Variants in SPATS2 observed in about 807,000 individuals in gnomAD.
SPATS2 encodes spermatogenesis-associated serine-rich protein 2.
A neutral mutation model predicts 63.7 loss-of-function variants in SPATS2; 38 were observed. That is an observed-to-expected ratio of 0.60 (90% CI 0.46 to 0.78). The LOEUF is 0.78. Ranked by LOEUF, SPATS2 falls within the 30% of genes least tolerant of loss-of-function variation. The pLI is 0.00. For synonymous variants in SPATS2, 207 were observed against 232.9 expected, an observed-to-expected ratio of 0.89 and a Z score of 1.01; for missense variants, 588 against 666.2, an observed-to-expected ratio of 0.88 and a Z score of 1.29.
intron 2 of SPATS2, among the ~76,000 whole-genome samples, chr12:49,418,108 GTTTTTTTTTTT>G (rs760281633): frequency 8.5e-4 from 65 of 76,054 alleles, no homozygotes; most frequent in African/African-American, 3.7e-3. Context: ...AAATGACTCA[GTTTTTTTTTTT>G]TTTTTTTTTT....
At chr12:49,475,526 C>T (rs1041666487) in intron 3 of SPATS2, among the ~76,000 whole-genome samples, 2 of 152,096 alleles carry the variant, frequency 1.3e-5, no homozygotes, top group Admixed American at 6.5e-5. Flanking sequence ...CTGCAAGCTC[C>T]GCCTCCCTGG....
In SPATS2 at chr12:49,489,473, G is replaced by A. The variant is rs374810178; in HGVS notation, c.114G>A (p.Ala38=). The A allele has an allele frequency of 1.7e-5, 27 of 1,612,968 alleles. No individual in the cohort carries two copies. The Admixed American group carries it at 4.0e-4, about 24-fold the overall frequency. ...CCTGTCATCTTTTCCAGATAAATGCGGTACGTGCAATAGTTCCTAATAAGA... is the reference window on the plus strand; with the variant it reads ...CCTGTCATCTTTTCCAGATAAATGCAGTACGTGCAATAGTTCCTAATAAGA... The part of the protein sequence containing the change: ...AFENMKEKIN[A]VRAIVPNKSN... The change falls in exon 5 of 14, where the codon GCG becomes GCA. Residue 38 remains alanine, a synonymous_variant. Coordinates refer to ENST00000552918, the MANE Select transcript of SPATS2 (RefSeq NM_023071.4).
intron 2 of SPATS2, among the ~76,000 whole-genome samples, chr12:49,396,273 G>A (rs993435927): frequency 1.7e-4 from 26 of 152,160 alleles, no homozygotes; most frequent in African/African-American, 5.8e-4. Context: ...GAGATTAGTG[G>A]ATCATGTCAT....
chr12:49,481,976 GA>G (rs1946214431), intron 3 of SPATS2, among the ~76,000 whole-genome samples: 1 of 151,994 alleles, frequency 6.6e-6, no homozygotes, highest in African/African-American at 2.4e-5. Context: ...TTCTTTTCAT[GA>G]AAAAATAAGT....
Position 49,400,214 on chromosome 12 carries a change from T to G in SPATS2, c.-244+28924T>G, listed in dbSNP as rs373289748. On this transcript the variant is annotated intron_variant, in intron 2 of 13. Transcript: ENST00000552918. ...ATATCTAAGTAAGATGACTAAAAAT[T>G]GACCATCAGATTTAGTAATTTGGAA... 4.7e-4 allele frequency among the ~76,000 whole-genome samples: 72 copies of G among 152,098 alleles called. No homozygotes were observed. In the South Asian group the frequency reaches 0.012, roughly 26 times the overall value.
chr12:49,453,856 CTT>C (rs869155580), intron 2 of SPATS2, among the ~76,000 whole-genome samples: 1,376 of 76,072 alleles, frequency 0.018, 11 homozygotes, highest in African/African-American at 0.071. Flanking sequence ...AAATAGCATT[CTT>C]TTTTTTTTTT....
intron 3 of SPATS2, among the ~76,000 whole-genome samples, chr12:49,480,584 T>C (rs1946189761): frequency 6.6e-6 from 1 of 152,218 alleles, no homozygotes; most frequent in Non-Finnish European, 1.5e-5. Context: ...CAGCAGTACA[T>C]GGATGTACAA....
At chr12:49,440,184 C>T (rs921889234) in intron 2 of SPATS2, among the ~76,000 whole-genome samples, 18 of 152,126 alleles carry the variant, frequency 1.2e-4, no homozygotes, top group African/African-American at 4.1e-4. Flanking sequence ...CTTCATGTTC[C>T]TCTATCCCTA....
chr12:49,487,214 C>T (rs761353473), intron 4 of SPATS2, among the ~76,000 whole-genome samples: 1 of 152,144 alleles, frequency 6.6e-6, no homozygotes, highest in Non-Finnish European at 1.5e-5. Context: ...GGGCCAGGCG[C>T]GATGGCTCAT....
chr12:49,398,123 G>GA (rs1425443252), intron 2 of SPATS2, among the ~76,000 whole-genome samples: 1 of 115,248 alleles, frequency 8.7e-6, no homozygotes, highest in Non-Finnish European at 1.6e-5. Context: ...GAGACAGAGG[G>GA]AGACCCTGTC....
At chr12:49,410,984 G>C (rs1049811232) in intron 2 of SPATS2, among the ~76,000 whole-genome samples, 1 of 151,832 alleles carries the variant, frequency 6.6e-6, no homozygotes, top group Non-Finnish European at 1.5e-5. Flanking sequence ...GGTAGTTGTG[G>C]GTTCTCTGTG....
At chr12:49,371,052 C>T (rs982415483) in intron 1 of SPATS2, among the ~76,000 whole-genome samples, 176 bp from the exon 2 acceptor site, 1 of 152,174 alleles carries the variant, frequency 6.6e-6, no homozygotes, top group Admixed American at 6.5e-5. Context: ...GTAAACTATA[C>T]ATAACAAAAA....
At chr12:49,456,239 G>A (rs925028661) in intron 2 of SPATS2, among the ~76,000 whole-genome samples, 1 of 152,212 alleles carries the variant, frequency 6.6e-6, no homozygotes, top group Non-Finnish European at 1.5e-5. Context: ...CATAGGTTCA[G>A]TAGGTTTCTT....
At chr12:49,426,829 C>T (rs919131682) in intron 2 of SPATS2, among the ~76,000 whole-genome samples, 8 of 152,146 alleles carry the variant, frequency 5.3e-5, no homozygotes, top group Non-Finnish European at 8.8e-5. Context: ...AGGCGTGAGC[C>T]ACCGTGCCCA....
intron 2 of SPATS2, among the ~76,000 whole-genome samples, chr12:49,460,469 G>C (rs968508601): frequency 6.6e-6 from 1 of 151,948 alleles, no homozygotes; most frequent in South Asian, 2.1e-4. Flanking sequence ...AAAAAAGAAA[G>C]ATCTTAGGGA....
chr12:49,423,272 A>G (rs987558057), intron 2 of SPATS2, among the ~76,000 whole-genome samples: 6 of 151,906 alleles, frequency 3.9e-5, no homozygotes, highest in African/African-American at 1.5e-4. Flanking sequence ...AGCCAGGACT[A>G]CAGGCACGCA....
chr12:49,438,985 A>G (rs187901885), intron 2 of SPATS2, among the ~76,000 whole-genome samples: 239 of 152,332 alleles, frequency 1.6e-3, no homozygotes, highest in Middle Eastern at 0.014. Context: ...ACAGAATATA[A>G]TGCTAGATAG....
At chr12:49,455,314 A>G (rs749891060) in intron 2 of SPATS2, among the ~76,000 whole-genome samples, 2 of 152,110 alleles carry the variant, frequency 1.3e-5, no homozygotes, top group Non-Finnish European at 2.9e-5. Flanking sequence ...TGCTGCTGCT[A>G]TGTGTACGCT....
intron 2 of SPATS2, among the ~76,000 whole-genome samples, chr12:49,375,461 A>G (rs893317020): frequency 6.6e-6 from 1 of 152,166 alleles, no homozygotes; most frequent in Non-Finnish European, 1.5e-5. Context: ...TTTTCCTTAC[A>G]TTATCCACTT....
Sources: allele counts gnomAD v4.1 joint callset (sites outside exome capture counted in the v4.1 genomes callset), GRCh38; gene constraint gnomAD v4.1.1; transcripts MANE v1.5; gene names NCBI Gene and HGNC (gene_info 2026-07-23, HGNC 2026-07-21).